The following CDH11 variants were observed in gnomAD, a reference collection of about 807,000 sequenced individuals.
The protein encoded by CDH11 is cadherin 11, also known as cadherin-11.
A neutral mutation model predicts 67.8 loss-of-function variants in CDH11; 11 were observed. That is an observed-to-expected ratio of 0.16 (90% CI 0.10 to 0.27). The LOEUF is 0.27. Among genes scored for constraint, CDH11 ranks in the 10% least tolerant of loss-of-function variants. CDH11 has a pLI of 1.00. For synonymous variants in CDH11, 419 were observed against 400.0 expected (o/e 1.05, Z -0.57); for missense variants, 847 against 1,031.2 (o/e 0.82, Z 2.45).
upstream of CDH11, chr16:65,122,464 C>T (rs2075351470): frequency 5.9e-6 from 1 of 168,230 alleles, no homozygotes; most frequent in South Asian, 1.4e-4. Context: ...TCCTCCTTCC[C>T]CCAAATCCGC....
At chr16:65,123,171 G>C (rs1045668216), upstream of CDH11, among the ~76,000 whole-genome samples, 8 of 152,072 alleles carry the variant, frequency 5.3e-5, no homozygotes, top group African/African-American at 1.9e-4. Flanking sequence ...GGAACGGCGT[G>C]GGGATCCGCA....
At chr16:65,118,077 C>G (rs2075272421) in intron 1 of CDH11, among the ~76,000 whole-genome samples, 1 of 152,148 alleles carries the variant, frequency 6.6e-6, no homozygotes, top group Admixed American at 6.5e-5. Context: ...GAGGGCCAGA[C>G]AAGGCTTGTA....
intron 11 of CDH11, among the ~76,000 whole-genome samples, chr16:64,963,479 T>C (rs1294178956): frequency 6.6e-6 from 1 of 152,124 alleles, no homozygotes; most frequent in East Asian, 1.9e-4. Context: ...AGGTGTAATA[T>C]ATATGTGATG....
intron 4 of CDH11, among the ~76,000 whole-genome samples, chr16:64,995,109 A>G (rs1263407746): frequency 6.6e-6 from 1 of 152,192 alleles, no homozygotes; most frequent in Non-Finnish European, 1.5e-5. Flanking sequence ...GATTCTTTCA[A>G]CCCATGAGCA....
chr16:64,971,190 T>C (rs544332258), intron 11 of CDH11, among the ~76,000 whole-genome samples: 1 of 152,326 alleles, frequency 6.6e-6, no homozygotes, highest in East Asian at 1.9e-4. Context: ...GCTGAAAGAT[T>C]AAATTGCCTT....
rs981992266 is a variant in CDH11 at position 64,944,210 on chromosome 16, G to T, written c.*3393C>A. On this transcript the variant is annotated 3_prime_UTR_variant, in exon 13 of 13. Coordinates refer to ENST00000268603, the MANE Select transcript of CDH11 (RefSeq NM_001797.4). ...ATGTGATCTGGGTTGTGTGTTAAAA[G>T]TATCCCTCTGGCTTCTTTGTGAAGA... 1 of 233,012 alleles carries T rather than the reference G, an allele frequency of 4.3e-6. No individual in the cohort carries two copies. The highest frequency in any genetic ancestry group is 8.5e-6 in the Non-Finnish European group (1 of 117,908). The allele number at this position is 233,012 out of a possible 1,614,324, so 14.4% of individuals were successfully genotyped here. A position where few individuals can be genotyped will look rare whatever the true frequency, so the allele number is the denominator to read the frequency against.
rs150985046 is a variant in CDH11 at position 64,974,429 on chromosome 16, T to C, written c.1254-1389A>G. Reference sequence around the variant, plus strand: ...GGCCATGAATATCGGAAGGTTTAATTGCCTGGATTTACAAAAGATGAAACT... The same window carrying C: ...GGCCATGAATATCGGAAGGTTTAATCGCCTGGATTTACAAAAGATGAAACT... On this transcript the variant is annotated intron_variant, in intron 8 of 12. Transcript: ENST00000268603. Among the ~76,000 whole-genome samples the C allele has an allele frequency of 2.2e-3, 342 of 152,270 alleles. 3 individuals are homozygous for C. Among genetic ancestry groups the C allele is most frequent in the African/African-American group, 7.6e-3 (314 of 41,570 alleles).
At chr16:65,061,145 T>G (rs2074232125) in intron 1 of CDH11, among the ~76,000 whole-genome samples, 1 of 152,260 alleles carries the variant, frequency 6.6e-6, no homozygotes, top group Non-Finnish European at 1.5e-5. Flanking sequence ...TTGTTATTTG[T>G]GGCTATTTGG....
intron 1 of CDH11, among the ~76,000 whole-genome samples, chr16:65,077,431 A>C (rs1049192368): frequency 1.3e-5 from 2 of 152,216 alleles, no homozygotes; most frequent in African/African-American, 4.8e-5. Flanking sequence ...CAGAAGAGTG[A>C]AATTGTGATG....
At chr16:65,000,853 GATT>G (rs2072903227) in intron 3 of CDH11, among the ~76,000 whole-genome samples, 1 of 151,198 alleles carries the variant, frequency 6.6e-6, no homozygotes. Context: ...TAAAAACTAT[GATT>G]ATTATCAATG....
intron 1 of CDH11, among the ~76,000 whole-genome samples, chr16:65,061,110 T>C (rs1169141646): frequency 6.6e-6 from 1 of 152,246 alleles, no homozygotes; most frequent in Non-Finnish European, 1.5e-5. Context: ...TAGTGCTTTT[T>C]TATTTCTCCC....
chr16:65,052,403 A>C (rs1317301668), intron 2 of CDH11, among the ~76,000 whole-genome samples: 1 of 152,220 alleles, frequency 6.6e-6, no homozygotes, highest in Non-Finnish European at 1.5e-5. Flanking sequence ...ATAGCTCCTT[A>C]GAGATAGTGA....
Position 64,946,115 on chromosome 16 carries a change from G to C in CDH11, c.*1488C>G. The C allele has an allele frequency of 4.7e-6, 5 of 1,056,930 alleles. No individual in the cohort carries two copies. The highest frequency in any genetic ancestry group is 4.6e-6 in the Non-Finnish European group (4 of 874,022). 65.5% of individuals were successfully genotyped at this position (1,056,930 alleles called of 1,614,324 possible). ...CCAAAATGGTCCCTGCCCTCATTCT[G>C]AGCTTACGGCCCCAAGCATATTCTA... is the stretch of plus-strand genomic sequence containing the variant. On this transcript the variant is annotated 3_prime_UTR_variant, in exon 13 of 13. Coordinates refer to ENST00000268603, the MANE Select transcript of CDH11 (RefSeq NM_001797.4).
At chr16:65,037,001 C>G (rs1424780647) in intron 2 of CDH11, among the ~76,000 whole-genome samples, 1 of 152,268 alleles carries the variant, frequency 6.6e-6, no homozygotes, top group Non-Finnish European at 1.5e-5. Context: ...TAAACATATA[C>G]TCTAGCCTAA....
chr16:64,982,948 A>G (rs1375501181), intron 7 of CDH11: 1 of 152,202 alleles, frequency 6.6e-6, no homozygotes, highest in Non-Finnish European at 1.5e-5. Context: ...TCCTTGACAC[A>G]CCAAGTAGAA....
intron 2 of CDH11, among the ~76,000 whole-genome samples, chr16:65,021,569 C>CATATATAT (rs58195440): frequency 2.1e-4 from 29 of 139,026 alleles, no homozygotes; most frequent in South Asian, 4.5e-4. Context: ...CACACACACA[C>CATATATAT]ATATATATAT....
chr16:65,093,405 C>A (rs563999077), intron 1 of CDH11, among the ~76,000 whole-genome samples: 184 of 152,022 alleles, frequency 1.2e-3, no homozygotes, highest in Non-Finnish European at 2.1e-3. Flanking sequence ...AGATGGGTGA[C>A]AGAAGTGCCC....
At chr16:64,996,508 G>A (rs919940040) in intron 4 of CDH11, among the ~76,000 whole-genome samples, 14 of 116,382 alleles carry the variant, frequency 1.2e-4, no homozygotes, top group African/African-American at 3.4e-4. Context: ...AAAAAAAAAA[G>A]TATTACAATT....
chr16:65,116,060 G>A (rs561182080), intron 1 of CDH11, among the ~76,000 whole-genome samples: 11 of 152,230 alleles, frequency 7.2e-5, no homozygotes, highest in African/African-American at 2.2e-4. Flanking sequence ...CCCTCATCCT[G>A]GCCCCGCTGC....
Sources: gnomAD v4.1 joint callset for allele counts (sites outside exome capture counted in the v4.1 genomes callset) on GRCh38, gnomAD v4.1.1 for gene constraint, MANE v1.5 for transcripts, NCBI Gene and HGNC (gene_info 2026-07-23, HGNC 2026-07-21) for gene names.